Variants in PTK7 observed in about 807,000 individuals in gnomAD.
PTK7 encodes protein tyrosine kinase 7 (inactive), also known as inactive tyrosine-protein kinase 7.
A neutral mutation model predicts 116.6 loss-of-function variants in PTK7; 39 were observed. The ratio of observed to expected loss-of-function variants is 0.33; its 90% CI spans 0.26 to 0.44. PTK7 has a LOEUF of 0.44. Ranked by LOEUF, PTK7 falls within the 20% of genes least tolerant of loss-of-function variation. PTK7 has a pLI of 1.00. For synonymous variants in PTK7, 546 were observed against 563.6 expected, an observed-to-expected ratio of 0.97 and a Z score of 0.44; for missense variants, 1,169 against 1,425.6, an observed-to-expected ratio of 0.82 and a Z score of 2.90.
intron 1 of PTK7, among the ~76,000 whole-genome samples, chr6:43,118,743 G>A (rs1360571018): frequency 2.9e-4 from 36 of 123,636 alleles, no homozygotes; most frequent in Admixed American, 1.1e-3. Flanking sequence ...GTATATATGT[G>A]TGTGTATGTG....
At chr6:43,098,971 A>C in intron 1 of PTK7, among the ~76,000 whole-genome samples, 1 of 152,278 alleles carries the variant, frequency 6.6e-6, no homozygotes, top group South Asian at 2.1e-4. Context: ...AGGCCAATAG[A>C]TTAATTTATT....
At chr6:43,130,080 C>T (rs1769561975) in intron 3 of PTK7, 150 bp from the exon 4 acceptor site, 3 of 861,418 alleles carry the variant, frequency 3.5e-6, no homozygotes, top group Non-Finnish European at 5.4e-6. Context: ...ATCAGAATTA[C>T]TGTGTGCCCT....
intron 10 of PTK7, among the ~76,000 whole-genome samples, chr6:43,140,826 T>C (rs1770355982): frequency 6.6e-6 from 1 of 152,148 alleles, no homozygotes; most frequent in Non-Finnish European, 1.5e-5. Context: ...AAAAATATTT[T>C]TTAAAATTAT....
At position 43,145,596 on chromosome 6, in the gene PTK7, T is replaced by A; in HGVS notation, c.2640+164T>A. 1 of 464,602 alleles carries A rather than the reference T, an allele frequency of 2.2e-6. No individual in the cohort carries two copies. Among genetic ancestry groups the A allele is most frequent in the South Asian group, 6.4e-5 (1 of 15,630 alleles). 28.8% of individuals were successfully genotyped at this position (464,602 alleles called of 1,614,324 possible). A position where few individuals can be genotyped will look rare whatever the true frequency, so the allele number is the denominator to read the frequency against. The stretch of plus-strand genomic sequence containing the variant: ...TTTGCCCACCTTATGATGCTCAGCT[T>A]CTGCCTTCCCTGCTCTTGGATGCCT... On this transcript the variant is annotated intron_variant, in intron 16 of 19. Coordinates refer to ENST00000230419, the MANE Select transcript of PTK7 (RefSeq NM_002821.5). The surrounding 1 kb of genome is among the most constrained non-coding windows in gnomAD (Gnocchi z 4.8).
intron 1 of PTK7, among the ~76,000 whole-genome samples, chr6:43,091,923 C>T (rs1381881058): frequency 1.3e-5 from 2 of 151,768 alleles, no homozygotes; most frequent in East Asian, 1.9e-4. Flanking sequence ...AGTGCAGTGG[C>T]GCGATCTCAG....
At chr6:43,144,201 T>C (rs1000378913) in intron 14 of PTK7, 3 of 523,688 alleles carry the variant, frequency 5.7e-6, no homozygotes, top group Non-Finnish European at 1.0e-5. Flanking sequence ...AGATTAGATG[T>C]CTGCAGTTGG....
intron 1 of PTK7, among the ~76,000 whole-genome samples, chr6:43,103,131 C>T (rs1767674444): frequency 6.6e-6 from 1 of 152,098 alleles, no homozygotes; most frequent in Non-Finnish European, 1.5e-5. Flanking sequence ...TTAGAAAATA[C>T]AACAGGAACA....
intron 17 of PTK7, among the ~76,000 whole-genome samples, chr6:43,157,364 A>ATATATATATATATATTTT (rs70990168): frequency 9.2e-5 from 5 of 54,352 alleles, no homozygotes; most frequent in Non-Finnish European, 1.3e-4. Context: ...ATATATATAT[A>ATATATATATATATATTTT]TTTTTTTTTT....
intron 1 of PTK7, among the ~76,000 whole-genome samples, chr6:43,099,852 T>A (rs1192822967): frequency 6.6e-6 from 1 of 152,060 alleles, no homozygotes; most frequent in East Asian, 1.9e-4. Flanking sequence ...GGCAGATCAC[T>A]TGAGTGCAGG....
chr6:43,150,557 G>A (rs988855616), intron 17 of PTK7, among the ~76,000 whole-genome samples: 6 of 152,118 alleles, frequency 3.9e-5, no homozygotes, highest in African/African-American at 1.4e-4. Flanking sequence ...AGATCAGAGA[G>A]AGCAGGCCAA....
Position 43,161,038 on chromosome 6 carries a change from C to T in PTK7, c.*157C>T. The stretch of plus-strand genomic sequence containing the variant: ...TCTGAGCAGGGCCTGGCCTTTCCTC[C>T]TCTTCCTCACCCTCATCCTTTGGGA... On this transcript the variant is annotated 3_prime_UTR_variant, in exon 20 of 20. Transcript: ENST00000230419. 9.4e-7 allele frequency: 1 copy of T among 1,063,124 alleles called. No homozygotes were observed. 65.9% of individuals were successfully genotyped at this position (1,063,124 alleles called of 1,614,324 possible).
intron 1 of PTK7, among the ~76,000 whole-genome samples, chr6:43,079,327 C>CGTG (rs750463864): frequency 1.2e-4 from 19 of 152,172 alleles, no homozygotes; most frequent in Admixed American, 7.2e-4. Context: ...ATTAGCCAGG[C>CGTG]GTGGTGGCGG....
At position 43,130,338 on chromosome 6, in the gene PTK7, G is replaced by A; in HGVS notation, c.579G>A (p.Glu193=). Residue 193 remains glutamate, a synonymous_variant, in exon 4 of 20, where the codon GAG becomes GAA. Coordinates refer to ENST00000230419, the MANE Select transcript of PTK7 (RefSeq NM_002821.5). The part of the protein sequence containing the change: ...RNLTLRPAGP[E]HSGLYSCCAH... ...TGACGCTCCGGCCAGCTGGTCCTGA[G>A]CATAGTGGGCTGTATTCCTGCTGCG... is the stretch of plus-strand genomic sequence containing the variant. 1 of 1,612,934 alleles carries A rather than the reference G, an allele frequency of 6.2e-7. No homozygotes were observed. Among genetic ancestry groups the A allele is most frequent in the Non-Finnish European group, 8.5e-7 (1 of 1,179,454 alleles).
intron 17 of PTK7, among the ~76,000 whole-genome samples, chr6:43,157,360 A>ATT (rs1387944123): frequency 1.4e-3 from 11 of 8,024 alleles, no homozygotes; most frequent in East Asian, 5.7e-3. Context: ...ATATATATAT[A>ATT]TATATTTTTT....
intron 1 of PTK7, among the ~76,000 whole-genome samples, chr6:43,108,774 A>G (rs1365414188): frequency 6.6e-6 from 1 of 152,106 alleles, no homozygotes; most frequent in Non-Finnish European, 1.5e-5. Context: ...TTTTTTCTTT[A>G]TGTGTACCTC....
At chr6:43,125,145 C>A (rs1235740762) in intron 1 of PTK7, among the ~76,000 whole-genome samples, 1 of 152,066 alleles carries the variant, frequency 6.6e-6, no homozygotes, top group Non-Finnish European at 1.5e-5. Flanking sequence ...GCATTCCAGC[C>A]TGGGCAACAA....
chr6:43,137,379 TG>T (rs1016377126), intron 7 of PTK7, among the ~76,000 whole-genome samples: 1 of 152,052 alleles, frequency 6.6e-6, no homozygotes, highest in Non-Finnish European at 1.5e-5. Flanking sequence ...ACGAGTGTGA[TG>T]GGGGTGGGGT....
At chr6:43,159,586 C>A in intron 18 of PTK7, 1 of 590,846 alleles carries the variant, frequency 1.7e-6, no homozygotes, top group Non-Finnish European at 3.0e-6. Context: ...AATTTTTTAA[C>A]CATCAAACCT....
At chr6:43,113,413 A>G (rs1768299849) in intron 1 of PTK7, among the ~76,000 whole-genome samples, 1 of 152,006 alleles carries the variant, frequency 6.6e-6, no homozygotes, top group South Asian at 2.1e-4. Context: ...AGCCTGGGTG[A>G]CAGAGCGGTA....
Sources: allele counts gnomAD v4.1 joint callset (sites outside exome capture counted in the v4.1 genomes callset), GRCh38; gene constraint gnomAD v4.1.1; non-coding constraint Gnocchi (gnomAD v3.1); transcripts MANE v1.5; gene names NCBI Gene and HGNC (gene_info 2026-07-23, HGNC 2026-07-21).